The following TRAPPC9 variants were observed in gnomAD, a reference collection of about 807,000 sequenced individuals.
The protein encoded by TRAPPC9 is IKK2 binding protein.
Under a neutral mutation model 124.0 loss-of-function variants are expected in TRAPPC9, and 83 were observed. The ratio of observed to expected loss-of-function variants is 0.67; its 90% CI spans 0.56 to 0.80. TRAPPC9 has a LOEUF of 0.80. Ranked by LOEUF, TRAPPC9 falls within the 30% of genes least tolerant of loss-of-function variation. TRAPPC9 has a pLI of 0.00. For missense variants in TRAPPC9, 1,302 were observed against 1,508.3 expected (o/e 0.86, Z 2.27); for synonymous variants, 638 against 617.5 (o/e 1.03, Z -0.49).
chr8:139,790,931 TTCC>T (rs1822615324), intron 21 of TRAPPC9, among the ~76,000 whole-genome samples: 1 of 152,086 alleles, frequency 6.6e-6, no homozygotes, highest in Admixed American at 6.5e-5. Context: ...GTGTGGCAAC[TTCC>T]TCCTCCTTCT....
intron 17 of TRAPPC9, chr8:140,095,815 G>A (rs1844900984): frequency 6.6e-6 from 1 of 152,218 alleles, no homozygotes; most frequent in Non-Finnish European, 1.5e-5. Flanking sequence ...CCTGAAAGAG[G>A]TGAGGACTTC....
At chr8:140,433,252 G>T (rs1401550546) in intron 4 of TRAPPC9, among the ~76,000 whole-genome samples, 1 of 150,156 alleles carries the variant, frequency 6.7e-6, no homozygotes, top group African/African-American at 2.5e-5. Context: ...AGATCATGCT[G>T]CTGCACTTCA....
chr8:139,912,343 G>A (rs1211023109), intron 19 of TRAPPC9, among the ~76,000 whole-genome samples: 2 of 152,084 alleles, frequency 1.3e-5, no homozygotes, highest in African/African-American at 2.4e-5. Flanking sequence ...ATTAGTCTGC[G>A]AAATATTCTA....
At chr8:140,327,801 T>C (rs968233353) in intron 9 of TRAPPC9, among the ~76,000 whole-genome samples, 4 of 152,210 alleles carry the variant, frequency 2.6e-5, no homozygotes, top group Middle Eastern at 3.4e-3. Flanking sequence ...GAGATTCTGT[T>C]TGGAGTGACG....
At chr8:139,827,815 G>A (rs537802184) in intron 21 of TRAPPC9, among the ~76,000 whole-genome samples, 1 of 152,176 alleles carries the variant, frequency 6.6e-6, no homozygotes, top group African/African-American at 2.4e-5. Context: ...GCTGTACAGG[G>A]AGCATGGTAC....
intron 20 of TRAPPC9, among the ~76,000 whole-genome samples, chr8:139,894,533 C>T (rs576391776): frequency 2.0e-5 from 3 of 152,226 alleles, no homozygotes; most frequent in South Asian, 4.2e-4. Flanking sequence ...GACTGGACCC[C>T]GGGAACTGGA....
intron 21 of TRAPPC9, among the ~76,000 whole-genome samples, chr8:139,774,045 G>T (rs1421610168): frequency 1.3e-5 from 2 of 152,338 alleles, no homozygotes; most frequent in South Asian, 2.1e-4. Context: ...CCTGGGGAAG[G>T]CTGGAGCTGC....
At chr8:140,402,065 C>T (rs1203002349) in intron 6 of TRAPPC9, among the ~76,000 whole-genome samples, 1 of 151,548 alleles carries the variant, frequency 6.6e-6, no homozygotes, top group Non-Finnish European at 1.5e-5. Flanking sequence ...ATGGGGCTTT[C>T]AATATGTTTT....
intron 19 of TRAPPC9, chr8:139,916,273 T>C (rs983431549): frequency 2.0e-5 from 3 of 152,186 alleles, no homozygotes; most frequent in African/African-American, 7.2e-5. Context: ...ACACCCCACT[T>C]TGTAAGATTT....
intron 8 of TRAPPC9, among the ~76,000 whole-genome samples, chr8:140,363,222 C>A (rs2068008143): frequency 6.6e-6 from 1 of 152,208 alleles, no homozygotes; most frequent in Non-Finnish European, 1.5e-5. Flanking sequence ...TACAGCAACA[C>A]AAATAAGATT....
intron 21 of TRAPPC9, among the ~76,000 whole-genome samples, chr8:139,860,432 T>C (rs906443684): frequency 1.3e-5 from 2 of 152,200 alleles, no homozygotes; most frequent in African/African-American, 4.8e-5. Flanking sequence ...TGCATGATCA[T>C]TTGGTGAATG....
At chr8:139,966,296 G>A (rs763682107) in intron 19 of TRAPPC9, among the ~76,000 whole-genome samples, 21 of 152,192 alleles carry the variant, frequency 1.4e-4, no homozygotes, top group Non-Finnish European at 2.6e-4. Context: ...ACGGAGTGGT[G>A]GGAAACGCAG....
intron 17 of TRAPPC9, among the ~76,000 whole-genome samples, chr8:140,183,463 G>T (rs571728227): frequency 2.0e-5 from 3 of 152,200 alleles, no homozygotes; most frequent in East Asian, 3.9e-4. Context: ...CCTCGATTAC[G>T]TATTCCACAC....
intron 7 of TRAPPC9, among the ~76,000 whole-genome samples, chr8:140,387,313 G>A (rs2068781415): frequency 6.6e-6 from 1 of 152,122 alleles, no homozygotes; most frequent in African/African-American, 2.4e-5. Context: ...CATAGGCACG[G>A]GCAAGGACTT....
At chr8:139,823,943 T>G (rs908410234) in intron 21 of TRAPPC9, among the ~76,000 whole-genome samples, 3 of 152,194 alleles carry the variant, frequency 2.0e-5, no homozygotes, top group African/African-American at 7.2e-5. Context: ...TGAAAGGTGC[T>G]GGACTGACTG....
At chr8:140,122,023 T>TTCTTTC (rs776733761) in intron 17 of TRAPPC9, among the ~76,000 whole-genome samples, 5 of 138,438 alleles carry the variant, frequency 3.6e-5, no homozygotes, top group South Asian at 2.4e-4. Context: ...CTTTCTTTCT[T>TTCTTTC]TCTCTCTCTC....
At chr8:140,345,208 G>A (rs779832953) in intron 9 of TRAPPC9, among the ~76,000 whole-genome samples, 10 of 152,242 alleles carry the variant, frequency 6.6e-5, no homozygotes, top group Non-Finnish European at 1.2e-4. Context: ...GCAGGGTTGA[G>A]GAGGTCCTCT....
intron 19 of TRAPPC9, among the ~76,000 whole-genome samples, chr8:139,930,317 G>A: frequency 6.6e-6 from 1 of 152,202 alleles, no homozygotes; most frequent in East Asian, 1.9e-4. Flanking sequence ...TGTGTAACGT[G>A]AACAAGATAC....
chr8:139,916,519 C>T (rs1832142860), intron 19 of TRAPPC9: 1 of 152,262 alleles, frequency 6.6e-6, no homozygotes. Context: ...ATCCACTCCT[C>T]GGAACGCGGC....
Sources: gnomAD v4.1 joint callset for allele counts (sites outside exome capture counted in the v4.1 genomes callset) on GRCh38, gnomAD v4.1.1 for gene constraint, MANE v1.5 for transcripts, NCBI Gene and HGNC (gene_info 2026-07-23, HGNC 2026-07-21) for gene names.